Variants in FSTL5 observed in about 807,000 individuals in gnomAD.
FSTL5 encodes the protein follistatin like 5.
A neutral mutation model predicts 89.1 loss-of-function variants in FSTL5; 62 were observed. The ratio of observed to expected loss-of-function variants is 0.70; its 90% CI spans 0.57 to 0.86. The LOEUF (loss-of-function observed/expected upper bound fraction) is 0.86, where lower values mean the gene tolerates loss of function less well. Among genes scored for constraint, FSTL5 ranks in the 40% least tolerant of loss-of-function variants. The pLI is 0.00. For synonymous variants in FSTL5, 383 were observed against 346.2 expected, an observed-to-expected ratio of 1.11 and a Z score of -1.18; for missense variants, 1,057 against 1,001.6, an observed-to-expected ratio of 1.06 and a Z score of -0.75.
At chr4:161,564,623 A>G (rs969042200) in intron 8 of FSTL5, among the ~76,000 whole-genome samples, 1 of 151,566 alleles carries the variant, frequency 6.6e-6, no homozygotes, top group African/African-American at 2.4e-5. Flanking sequence ...TTTCAAAATG[A>G]TACTTATAAT....
At position 161,870,359 on chromosome 4, in the gene FSTL5, T is replaced by TAC. The variant is rs942790697; in HGVS notation, c.409+50043_409+50044dup. On this transcript the variant is annotated intron_variant, in intron 4 of 15. Transcript: ENST00000306100. The stretch of plus-strand genomic sequence containing the variant: ...GTTCAATCATACACACACACACACG[T>TAC]ACACACACACACAAAGAGAGAGCGA... Among the ~76,000 whole-genome samples, 37 of 150,462 alleles carry TAC rather than the reference T, an allele frequency of 2.5e-4. 1 individual carries two copies. The South Asian group carries it at 7.7e-3, about 31-fold the overall frequency.
intron 2 of FSTL5, among the ~76,000 whole-genome samples, chr4:162,076,088 C>T (rs1048399986): frequency 5.9e-5 from 9 of 151,798 alleles, no homozygotes; most frequent in South Asian, 2.1e-4. Context: ...AAAATAGAAA[C>T]GATTCTTGGA....
At chr4:161,473,579 TC>T (rs1228082101) in intron 13 of FSTL5, among the ~76,000 whole-genome samples, 24 of 151,916 alleles carry the variant, frequency 1.6e-4, no homozygotes, top group African/African-American at 5.6e-4. Context: ...CAGGTGCGTG[TC>T]ACCACACCCA....
intron 4 of FSTL5, among the ~76,000 whole-genome samples, chr4:161,776,332 G>A (rs1051087420): frequency 4.6e-5 from 7 of 151,918 alleles, no homozygotes; most frequent in East Asian, 1.9e-4. Flanking sequence ...ATGCTGTAAC[G>A]GACATAGAAA....
intron 15 of FSTL5, among the ~76,000 whole-genome samples, chr4:161,395,310 T>C (rs1730958857): frequency 6.6e-6 from 1 of 151,982 alleles, no homozygotes; most frequent in South Asian, 2.1e-4. Flanking sequence ...CACAAAATAA[T>C]ATAAAATTAA....
chr4:162,007,303 T>A (rs17537629), intron 3 of FSTL5, among the ~76,000 whole-genome samples: 14,662 of 151,828 alleles, frequency 0.097, 838 homozygotes, highest in Non-Finnish European at 0.13. Flanking sequence ...AGTCCAGCAT[T>A]TATTTAGGTA....
intron 4 of FSTL5, among the ~76,000 whole-genome samples, chr4:161,785,679 T>A (rs1560845184): frequency 6.6e-6 from 1 of 152,168 alleles, no homozygotes; most frequent in Non-Finnish European, 1.5e-5. Flanking sequence ...CCCAGAAATC[T>A]ACATTTATAG....
At chr4:161,783,732 T>TTC (rs1553965682) in intron 4 of FSTL5, among the ~76,000 whole-genome samples, 3 of 14,516 alleles carry the variant, frequency 2.1e-4, no homozygotes, top group African/African-American at 6.7e-4. Flanking sequence ...TCTTCTTTTC[T>TTC]TTTCTTTCTT....
intron 8 of FSTL5, among the ~76,000 whole-genome samples, chr4:161,565,784 T>C (rs868251323): frequency 0.032 from 1,730 of 53,944 alleles, 22 homozygotes; most frequent in African/African-American, 0.081. Context: ...CACACACACA[T>C]ATATATGATA....
At chr4:161,402,823 CTTT>C (rs145198636) in intron 15 of FSTL5, among the ~76,000 whole-genome samples, 3 of 141,004 alleles carry the variant, frequency 2.1e-5, no homozygotes, top group Non-Finnish European at 3.1e-5. Flanking sequence ...CTTGCCAGAA[CTTT>C]TTTTTTTTTT....
intron 7 of FSTL5, among the ~76,000 whole-genome samples, chr4:161,651,410 T>A (rs1309294152): frequency 1.3e-5 from 2 of 152,134 alleles, no homozygotes; most frequent in Admixed American, 6.5e-5. Context: ...GTTCCAGCAT[T>A]TCCTGTGAAT....
chr4:161,865,967 G>A (rs964700955), intron 4 of FSTL5, among the ~76,000 whole-genome samples: 6 of 152,140 alleles, frequency 3.9e-5, no homozygotes, highest in East Asian at 1.9e-4. Flanking sequence ...AGAAAATATC[G>A]TAGTTAGAAA....
intron 8 of FSTL5, among the ~76,000 whole-genome samples, chr4:161,581,238 C>T (rs1175673416): frequency 6.6e-6 from 1 of 152,150 alleles, no homozygotes; most frequent in African/African-American, 2.4e-5. Context: ...TGATTTGTAG[C>T]CACAGATGAG....
intron 4 of FSTL5, among the ~76,000 whole-genome samples, chr4:161,905,996 G>A (rs1308512843): frequency 1.3e-5 from 2 of 152,148 alleles, no homozygotes; most frequent in African/African-American, 2.4e-5. Context: ...AGACTTGAGT[G>A]CCCTGAAGAA....
intron 15 of FSTL5, among the ~76,000 whole-genome samples, chr4:161,424,124 G>A (rs1205821541): frequency 7.2e-6 from 1 of 138,068 alleles, no homozygotes; most frequent in Non-Finnish European, 1.5e-5. Context: ...TGATCCGCCC[G>A]CCTCGGCCTC....
At chr4:161,970,778 C>A (rs141480334) in intron 3 of FSTL5, among the ~76,000 whole-genome samples, 4 of 151,894 alleles carry the variant, frequency 2.6e-5, no homozygotes, top group African/African-American at 9.7e-5. Flanking sequence ...GGAAAGTACA[C>A]ACATATTCAG....
At chr4:161,829,460 ACATAT>A (rs1467454321) in intron 4 of FSTL5, among the ~76,000 whole-genome samples, 4 of 151,954 alleles carry the variant, frequency 2.6e-5, no homozygotes, top group African/African-American at 9.7e-5. Context: ...AAAAATCTAC[ACATAT>A]CATATTATAA....
At chr4:161,500,578 T>TG (rs1331420312) in intron 11 of FSTL5, among the ~76,000 whole-genome samples, 1 of 151,940 alleles carries the variant, frequency 6.6e-6, no homozygotes, top group Non-Finnish European at 1.5e-5. Flanking sequence ...TAAAGATTTT[T>TG]AGGAAGAAAA....
chr4:161,545,154 C>A (rs1054725793), intron 8 of FSTL5, among the ~76,000 whole-genome samples: 1 of 151,880 alleles, frequency 6.6e-6, no homozygotes, highest in Non-Finnish European at 1.5e-5. Context: ...TTTCAGAAAT[C>A]ATAAGTAACT....
Sources: allele counts gnomAD v4.1 joint callset (sites outside exome capture counted in the v4.1 genomes callset), GRCh38; gene constraint gnomAD v4.1.1; transcripts MANE v1.5; gene names NCBI Gene and HGNC (gene_info 2026-07-23, HGNC 2026-07-21).